The following HEATR4 variants were observed in gnomAD, a reference collection of about 807,000 sequenced individuals.
HEATR4 encodes HEAT repeat containing 4.
In HEATR4, 95 loss-of-function variants were observed where a neutral mutation model predicts 108.8. That is an observed-to-expected ratio of 0.87 (90% CI 0.74 to 1.04). The LOEUF (loss-of-function observed/expected upper bound fraction) is 1.04. Ranked by LOEUF, HEATR4 falls within the 50% of genes least tolerant of loss-of-function variation. The pLI, the probability that HEATR4 is intolerant of heterozygous loss-of-function variation, is 0.00. For missense variants in HEATR4, 1,152 were observed against 1,253.8 expected (o/e 0.92, Z 1.23); for synonymous variants, 443 against 459.4 (o/e 0.96, Z 0.46).
intron 1 of HEATR4, chr14:73,541,812 A>C (rs539346509): frequency 1.5e-6 from 1 of 684,364 alleles, no homozygotes; most frequent in African/African-American, 1.9e-5. Context: ...AACACACACT[A>C]CCTTTTTTAG....
chr14:73,503,105 T>C (rs1400431402), intron 10 of HEATR4, 92 bp from the exon 11 acceptor site: 2 of 978,156 alleles, frequency 2.0e-6, no homozygotes, highest in Non-Finnish European at 3.2e-6. Flanking sequence ...TTTTTACTCA[T>C]CACTGTACTA....
At position 73,534,908 on chromosome 14, in the gene HEATR4, A is replaced by G. The variant is rs1172132274; in HGVS notation, c.-151-4664T>C. On this transcript the variant is annotated intron_variant, in intron 1 of 17. Transcript: ENST00000553558. ...AATCTCCTGCCTAGGCCTCCCCCCT[A>G]ACAGCTGGAACTACAGGCATCTACC... 1.8e-5 allele frequency among the ~76,000 whole-genome samples: 2 copies of G among 110,090 alleles called. 1 individual carries two copies. The highest frequency in any genetic ancestry group is 3.9e-5 in the Non-Finnish European group (2 of 51,348). 72.2% of individuals were successfully genotyped at this position (110,090 alleles called of 152,430 possible). A position where few individuals can be genotyped will look rare whatever the true frequency, so the allele number is the denominator to read the frequency against.
chr14:73,616,738 G>A, the HEATR4 span: 1 of 330,390 alleles, frequency 3.0e-6, no homozygotes, highest in Non-Finnish European at 5.4e-6. Flanking sequence ...TGTACAGGTG[G>A]TTTGGGGTTA....
In HEATR4 at chr14:73,535,760, C is replaced by T. The variant is rs565260514; in HGVS notation, c.-151-5516G>A. Among the ~76,000 whole-genome samples, 10 of 113,730 alleles carry T rather than the reference C, an allele frequency of 8.8e-5. 4 individuals are homozygous for T. The highest frequency in any genetic ancestry group is 2.0e-4 in the Admixed American group (2 of 10,172). 74.6% of individuals were successfully genotyped at this position (113,730 alleles called of 152,430 possible). ...TCCCAAAGTGCTGGGATTACAGGCG[C>T]GAGCCACCGCGCCTGGCCCCTTTTT... On this transcript the variant is annotated intron_variant, in intron 1 of 17. Transcript: ENST00000553558.
chr14:73,550,900 CTA>C (rs376315254), intron 1 of HEATR4, among the ~76,000 whole-genome samples: 1 of 114,810 alleles, frequency 8.7e-6, no homozygotes, highest in African/African-American at 2.8e-5. Flanking sequence ...GGTGGCATGG[CTA>C]TAGTCCCAGC....
the HEATR4 span, chr14:73,569,762 C>T: frequency 6.2e-7 from 1 of 1,607,908 alleles, no homozygotes; most frequent in Non-Finnish European, 8.5e-7. Context: ...TGGATGGCCA[C>T]GACCCCGACC....
chr14:73,493,916 T>A (rs576589444), intron 16 of HEATR4, among the ~76,000 whole-genome samples: 50 of 152,352 alleles, frequency 3.3e-4, no homozygotes, highest in Non-Finnish European at 5.9e-4. Context: ...TTATGCTATT[T>A]AATTATGCAA....
At chr14:73,570,172 C>T in the HEATR4 span, among the ~76,000 whole-genome samples, 128 of 151,666 alleles carry the variant, frequency 8.4e-4, 3 homozygotes, top group African/African-American at 2.9e-3. Context: ...TCCAACCTTC[C>T]GGAGGTTAGT....
rs948771223 is a variant in HEATR4 at position 73,491,431 on chromosome 14, G to A, written c.2844+1635C>T. Reference sequence around the variant, plus strand: ...CGCGCCTGGTGGAGGTGCCCGCCGCGCCGGTCCGGGTGGTGGAGACCTCGG... The same window carrying A: ...CGCGCCTGGTGGAGGTGCCCGCCGCACCGGTCCGGGTGGTGGAGACCTCGG... On this transcript the variant is annotated intron_variant, in intron 17 of 17. Coordinates refer to ENST00000553558, the MANE Select transcript of HEATR4 (RefSeq NM_001220484.1). 6.7e-6 allele frequency: 9 copies of A among 1,349,586 alleles called. No individual in the cohort carries two copies. The East Asian group carries it at 1.8e-4, about 28-fold the overall frequency. 83.6% of individuals were successfully genotyped at this position (1,349,586 alleles called of 1,614,324 possible).
the HEATR4 span, chr14:73,613,119 G>T: frequency 2.0e-6 from 1 of 507,492 alleles, no homozygotes. Context: ...GAACATCCCT[G>T]AACTTGTTCC....
At chr14:73,600,379 C>T in the HEATR4 span, among the ~76,000 whole-genome samples, 3 of 152,020 alleles carry the variant, frequency 2.0e-5, no homozygotes. Context: ...TCAAAGTTCT[C>T]TTTTAATTTT....
At chr14:73,502,040 C>T (rs982762397) in intron 11 of HEATR4, among the ~76,000 whole-genome samples, 4 of 151,180 alleles carry the variant, frequency 2.6e-5, no homozygotes, top group South Asian at 2.1e-4. Context: ...CCACTGCGCC[C>T]GGCCAATTTT....
At position 73,478,604 on chromosome 14, in the gene HEATR4, G is replaced by T. The variant is rs767005749; in HGVS notation, c.*2C>A. ...CATCTTGAAGTAAGACAAGTGTTCAGCTTAGAGATGAGCACCTTTCTTTCC... is the reference window on the plus strand; with the variant it reads ...CATCTTGAAGTAAGACAAGTGTTCATCTTAGAGATGAGCACCTTTCTTTCC... On this transcript the variant is annotated 3_prime_UTR_variant, in exon 18 of 18. Coordinates refer to ENST00000553558, the MANE Select transcript of HEATR4 (RefSeq NM_001220484.1). 56 of 1,592,234 alleles carry T rather than the reference G, an allele frequency of 3.5e-5. No homozygotes were observed. The East Asian group carries it at 1.2e-3, about 33-fold the overall frequency.
At chr14:73,597,094 A>ATTTATTTATTTATTTATTTT in the HEATR4 span, among the ~76,000 whole-genome samples, 708 of 149,382 alleles carry the variant, frequency 4.7e-3, 6 homozygotes, top group African/African-American at 0.017. Context: ...TTATTTATTT[A>ATTTATTTATTTATTTATTTT]TTTTTTTGAG....
chr14:73,502,673 G>A (rs111526585), intron 11 of HEATR4, among the ~76,000 whole-genome samples: 1,858 of 152,132 alleles, frequency 0.012, 32 homozygotes, highest in African/African-American at 0.039. Flanking sequence ...TCAGCCTCCC[G>A]AGTAGCTGGG....
In HEATR4 at chr14:73,555,494, T is replaced by A. The variant is rs1261314960; in HGVS notation, c.-152+3257A>T. The stretch of plus-strand genomic sequence containing the variant: ...AGATTTTGACATCAGACCTGTCTTA[T>A]AAGATTCTTGTTAAGAGGAGTTCCT... On this transcript the variant is annotated intron_variant, in intron 1 of 17. Transcript: ENST00000553558. Among the ~76,000 whole-genome samples, 2 of 115,152 alleles carry A rather than the reference T, an allele frequency of 1.7e-5. 1 individual carries two copies. Among genetic ancestry groups the A allele is most frequent in the Non-Finnish European group, 3.8e-5 (2 of 52,338 alleles). 75.5% of individuals were successfully genotyped at this position (115,152 alleles called of 152,430 possible).
intron 2 of HEATR4, among the ~76,000 whole-genome samples, chr14:73,524,804 G>A (rs958447735): frequency 3.3e-5 from 5 of 151,878 alleles, no homozygotes; most frequent in Admixed American, 3.3e-4. Context: ...GGATGAAGGA[G>A]AGACCATTAT....
At chr14:73,567,105 C>A in the HEATR4 span, among the ~76,000 whole-genome samples, 1 of 152,074 alleles carries the variant, frequency 6.6e-6, no homozygotes, top group African/African-American at 2.4e-5. Flanking sequence ...CCGCGCCCAT[C>A]CCCTTTTTCT....
the HEATR4 span, chr14:73,592,445 A>G: frequency 2.0e-6 from 3 of 1,478,244 alleles, no homozygotes; most frequent in East Asian, 5.0e-5. Context: ...GGGTGGTGTG[A>G]GCGTCAGTGG....
Sources: gnomAD v4.1 joint callset for allele counts (sites outside exome capture counted in the v4.1 genomes callset) on GRCh38, gnomAD v4.1.1 for gene constraint, MANE v1.5 for transcripts, NCBI Gene and HGNC (gene_info 2026-07-23, HGNC 2026-07-21) for gene names.